Variants in CCDC57 observed in about 807,000 individuals in gnomAD.
CCDC57 encodes the protein coiled-coil domain-containing protein 57.
Under a neutral mutation model 118.9 loss-of-function variants are expected in CCDC57, and 118 were observed. That is an observed-to-expected ratio of 0.99 (90% confidence interval 0.86 to 1.16). The LOEUF (loss-of-function observed/expected upper bound fraction) is 1.16, where lower values mean the gene tolerates loss of function less well. CCDC57 is among the 50% of genes most tolerant of loss of function. The pLI is 0.00. For missense variants in CCDC57, 1,300 were observed against 1,320.7 expected (o/e 0.98, Z 0.24); for synonymous variants, 527 against 532.9 (o/e 0.99, Z 0.15).
chr17:82,111,042 A>G (rs2035206894), intron 19 of CCDC57, among the ~76,000 whole-genome samples: 1 of 152,104 alleles, frequency 6.6e-6, no homozygotes, highest in South Asian at 2.1e-4. Context: ...AGACAGCCTC[A>G]TCATCTCCTC....
At chr17:82,147,714 TA>T in intron 16 of CCDC57, among the ~76,000 whole-genome samples, 1 of 126,044 alleles carries the variant, frequency 7.9e-6, no homozygotes, top group African/African-American at 3.0e-5. Flanking sequence ...GATGGATAGA[TA>T]GGTGGGTGGA....
chr17:82,197,055 T>C (rs576967499), intron 4 of CCDC57, among the ~76,000 whole-genome samples: 201 of 129,730 alleles, frequency 1.5e-3, no homozygotes, highest in African/African-American at 5.9e-3. Flanking sequence ...ATGCAGCCCC[T>C]CGTGACTCCT....
exon 9 of CCDC57, chr17:82,183,865 T>C (rs2046511014): frequency 1.2e-6 from 2 of 1,613,478 alleles, no homozygotes; most frequent in Non-Finnish European, 1.7e-6. Flanking sequence ...CTGGAGACCA[T>C]CTCCTTAGAT....
chr17:82,102,934 G>A (rs935873959), intron 19 of CCDC57, among the ~76,000 whole-genome samples: 31 of 151,952 alleles, frequency 2.0e-4, no homozygotes, highest in African/African-American at 6.3e-4. Context: ...TGAGCTCAGC[G>A]TCCACTGCGT....
chr17:82,195,426 G>A (rs1005599972), intron 4 of CCDC57, 62 bp from the exon 4 acceptor site: 111 of 1,279,294 alleles, frequency 8.7e-5, no homozygotes, highest in East Asian at 1.0e-4. Context: ...CCCCACCCAC[G>A]TCCTGGGAGG....
At chr17:82,147,061 C>G (rs2040851224) in intron 16 of CCDC57, among the ~76,000 whole-genome samples, 1 of 152,194 alleles carries the variant, frequency 6.6e-6, no homozygotes, top group Non-Finnish European at 1.5e-5. Context: ...ATCTGGCACT[C>G]AGCAGGGGCT....
intron 13 of CCDC57, among the ~76,000 whole-genome samples, chr17:82,164,376 G>A (rs917201658): frequency 6.6e-6 from 1 of 151,906 alleles, no homozygotes; most frequent in Non-Finnish European, 1.5e-5. Context: ...GTGAGACTCT[G>A]TCTCAAAAAA....
intron 19 of CCDC57, among the ~76,000 whole-genome samples, chr17:82,120,026 A>C (rs1042793759): frequency 1.3e-5 from 2 of 152,158 alleles, no homozygotes; most frequent in Admixed American, 1.3e-4. Flanking sequence ...TTCGGGGCCT[A>C]TCCCAGGTCC....
chr17:82,177,827 G>T (rs1195572010), intron 11 of CCDC57, among the ~76,000 whole-genome samples: 1 of 152,184 alleles, frequency 6.6e-6, no homozygotes, highest in East Asian at 1.9e-4. Flanking sequence ...CTCCAGGCCT[G>T]CGCGTTCTAC....
At chr17:82,166,681 G>A (rs975177311) in intron 13 of CCDC57, among the ~76,000 whole-genome samples, 11 of 152,224 alleles carry the variant, frequency 7.2e-5, no homozygotes, top group African/African-American at 2.2e-4. Flanking sequence ...GCTGAGGCAG[G>A]AGGATCAATT....
intron 8 of CCDC57, chr17:82,185,079 C>G (rs1047492830): frequency 6.6e-6 from 1 of 152,402 alleles, no homozygotes; most frequent in African/African-American, 2.4e-5. Context: ...GCCTCCTGGA[C>G]AGTCTCCCCT....
At chr17:82,188,383 A>T (rs889652445) in exon 8 of CCDC57, 1 of 1,611,932 alleles carries the variant, frequency 6.2e-7, no homozygotes, top group Non-Finnish European at 8.5e-7. Context: ...CCAGCACTGC[A>T]TCCTTCTCCC....
rs572451196 is a variant in CCDC57 at position 82,195,490 on chromosome 17, C to T, written c.517-126G>A. The T allele has an allele frequency of 9.3e-5, 70 of 751,428 alleles. No individual in the cohort carries two copies. In the East Asian group the frequency reaches 1.9e-3, roughly 20 times the overall value. The allele number at this position is 751,428 out of a possible 1,614,324, so 46.5% of individuals were successfully genotyped here. A position where few individuals can be genotyped will look rare whatever the true frequency, so the allele number is the denominator to read the frequency against. Reference sequence around the variant, plus strand: ...GTTTAACAGAGAAGGACCACACACACTGTCCAGGAGAGAAGCTGGGGTCAG... The same window carrying T: ...GTTTAACAGAGAAGGACCACACACATTGTCCAGGAGAGAAGCTGGGGTCAG... On this transcript the variant is annotated intron_variant, in intron 4 of 19. Transcript: ENST00000665763.
intron 19 of CCDC57, chr17:82,126,939 C>G: frequency 1.0e-6 from 1 of 985,388 alleles, no homozygotes; most frequent in Non-Finnish European, 1.2e-6. Context: ...GAAGGACGCA[C>G]GCTCCCGCCC....
chr17:82,208,262 T>G (rs916060215), intron 1 of CCDC57, among the ~76,000 whole-genome samples: 2 of 150,476 alleles, frequency 1.3e-5, no homozygotes, highest in Non-Finnish European at 2.9e-5. Flanking sequence ...TACCCTTAAC[T>G]TATTATTATT....
chr17:82,183,375 G>A (rs562305361), intron 9 of CCDC57, among the ~76,000 whole-genome samples: 27 of 152,098 alleles, frequency 1.8e-4, no homozygotes, highest in Middle Eastern at 3.4e-3. Context: ...TGCAGAGATG[G>A]GGTCTCACTA....
At chr17:82,111,158 C>T (rs190415371) in intron 19 of CCDC57, among the ~76,000 whole-genome samples, 1,537 of 150,976 alleles carry the variant, frequency 0.01, 23 homozygotes, top group African/African-American at 0.036. Flanking sequence ...TGCAGTGGCG[C>T]GATCTCGGCT....
At chr17:82,157,749 T>A (rs1247295042) in exon 15 of CCDC57, 2 of 1,590,624 alleles carry the variant, frequency 1.3e-6, no homozygotes, top group East Asian at 2.3e-5. Flanking sequence ...GGCACCCACC[T>A]CTCTCCCAAG....
At chr17:82,200,941 C>G (rs1434625897) in intron 3 of CCDC57, among the ~76,000 whole-genome samples, 1 of 152,212 alleles carries the variant, frequency 6.6e-6, no homozygotes, top group Non-Finnish European at 1.5e-5. Flanking sequence ...GGAAGGGCCT[C>G]TGTTAATGTG....
Sources: allele counts gnomAD v4.1 joint callset (sites outside exome capture counted in the v4.1 genomes callset), GRCh38; gene constraint gnomAD v4.1.1; transcripts MANE v1.5; gene names NCBI Gene and HGNC (gene_info 2026-07-23, HGNC 2026-07-21).